PNKD: variants seen among roughly 807,000 people sequenced by gnomAD.
PNKD encodes PNKD metallo-beta-lactamase domain containing, also known as probable thioesterase PNKD.
A neutral mutation model predicts 45.3 loss-of-function variants in PNKD; 36 were observed. The observed-to-expected ratio is 0.80, with a 90% CI of 0.61 to 1.05. The LOEUF (loss-of-function observed/expected upper bound fraction) is 1.05, where lower values mean the gene tolerates loss of function less well. PNKD is among the 50% of genes least tolerant of loss of function. The pLI, the probability that PNKD is intolerant of heterozygous loss-of-function variation, is 0.00. For missense variants in PNKD, 511 were observed against 506.6 expected (o/e 1.01, Z -0.08); for synonymous variants, 197 against 210.1 (o/e 0.94, Z 0.54).
In PNKD at chr2:218,346,387, C is replaced by T. The variant is rs1310522635; in HGVS notation, c.*1406C>T. On this transcript the variant is annotated 3_prime_UTR_variant, in exon 10 of 10. Coordinates refer to ENST00000273077, the MANE Select transcript of PNKD (RefSeq NM_015488.5). ...CAGCCTCTAGTACACTTTAGCAATA[C>T]CACCAGACTAGTTAGAGTTCCCCAC... 6.5e-6 allele frequency: 1 copy of T among 153,192 alleles called. No homozygotes were observed. Among genetic ancestry groups the T allele is most frequent in the Non-Finnish European group, 1.5e-5 (1 of 68,098 alleles). The allele number at this position is 153,192 out of a possible 1,614,324, so 9.5% of individuals were successfully genotyped here. A position where few individuals can be genotyped will look rare whatever the true frequency, so the allele number is the denominator to read the frequency against.
intron 2 of PNKD, among the ~76,000 whole-genome samples, chr2:218,325,600 A>G (rs1009632414): frequency 6.6e-6 from 1 of 152,286 alleles, no homozygotes; most frequent in Non-Finnish European, 1.5e-5. Flanking sequence ...ATCTACTTCT[A>G]GCTTTCAAAA....
chr2:218,275,968 C>T (rs1034254254), intron 2 of PNKD: 2 of 1,568,116 alleles, frequency 1.3e-6, no homozygotes. Flanking sequence ...TGCCCCCTTC[C>T]CTAGATTCCT....
At chr2:218,288,204 G>A (rs1268120264) in intron 2 of PNKD, among the ~76,000 whole-genome samples, 2 of 151,864 alleles carry the variant, frequency 1.3e-5, no homozygotes, top group African/African-American at 2.4e-5. Context: ...CAAGGCGGGC[G>A]GATCACGAGG....
chr2:218,278,064 G>T, intron 2 of PNKD: 2 of 1,453,754 alleles, frequency 1.4e-6, no homozygotes, highest in South Asian at 1.2e-5. Context: ...TGGCTCCTGT[G>T]CCTGGAGGAT....
At chr2:218,280,031 G>A (rs762640669) in intron 2 of PNKD, 10 of 1,613,906 alleles carry the variant, frequency 6.2e-6, no homozygotes, top group South Asian at 4.4e-5. Context: ...CTTACCTTTC[G>A]GATAAAAGTG....
intron 2 of PNKD, among the ~76,000 whole-genome samples, chr2:218,291,506 T>C (rs1293038752): frequency 6.6e-6 from 1 of 152,198 alleles, no homozygotes; most frequent in Non-Finnish European, 1.5e-5. Flanking sequence ...CATCTGGCTC[T>C]GACCTGCGTT....
chr2:218,279,875 G>A, intron 2 of PNKD: 1 of 652,176 alleles, frequency 1.5e-6, no homozygotes, highest in Non-Finnish European at 2.8e-6. Context: ...GAGAAGCCAG[G>A]TGCCCCTCTG....
At position 218,344,833 on chromosome 2, in the gene PNKD, G is replaced by A. The variant is rs374137801; in HGVS notation, c.1010G>A (p.Arg337His). 3.3e-5 allele frequency: 54 copies of A among 1,613,782 alleles called. No homozygotes were observed. Among genetic ancestry groups the A allele is most frequent in the South Asian group, 3.2e-4 (29 of 91,068 alleles). ...TGCCCATCTACCCTGGGAGAGGAGC[G>A]CTCCTACAACCCGTTCCTGAGAACC... ...GTCPSTLGEE[R>H]SYNPFLRTHC... is the part of the protein sequence containing the mutation. The change falls in exon 10 of 10, where the codon CGC becomes CAC. Residue 337 changes from arginine to histidine, a missense_variant. Arg to His is a conservative substitution (Grantham distance 29, BLOSUM62 0). Coordinates refer to ENST00000273077, the MANE Select transcript of PNKD (RefSeq NM_015488.5).
intron 2 of PNKD, among the ~76,000 whole-genome samples, chr2:218,283,370 G>C (rs1274353267): frequency 6.6e-6 from 1 of 152,228 alleles, no homozygotes; most frequent in East Asian, 1.9e-4. Flanking sequence ...ATGTTATGCG[G>C]TGCTCTTATG....
intron 2 of PNKD, among the ~76,000 whole-genome samples, chr2:218,330,794 T>C (rs1694295286): frequency 6.6e-6 from 1 of 152,270 alleles, no homozygotes; most frequent in Non-Finnish European, 1.5e-5. Context: ...CATTCTAATA[T>C]AGGTGGGCCA....
chr2:218,298,852 C>T (rs1358177267), intron 2 of PNKD, among the ~76,000 whole-genome samples: 1 of 152,176 alleles, frequency 6.6e-6, no homozygotes, highest in Non-Finnish European at 1.5e-5. Context: ...GAAGCTCCTC[C>T]TCATAGATAC....
In PNKD at chr2:218,277,241, A is replaced by G. The variant is rs2106191525; in HGVS notation, c.236+5692A>G. ...CATTCTAAGGACAGAAACAGGACAC[A>G]GTTTTGTAGGTGCGGATGAGGAGAA... On this transcript the variant is annotated intron_variant, in intron 2 of 9. Transcript: ENST00000273077. 5 of 1,163,900 alleles carry G rather than the reference A, an allele frequency of 4.3e-6. 1 individual carries two copies. The highest frequency in any genetic ancestry group is 6.5e-6 in the Non-Finnish European group (5 of 773,692). 72.1% of individuals were successfully genotyped at this position (1,163,900 alleles called of 1,614,324 possible).
rs779107999 is a variant in PNKD, at chr2:218,339,829, C to A, written c.283C>A (p.Gln95Lys). ...CTGGCTCGGGTACCTCTTCTACCGA[C>A]AGCAGCTGCGCAGGGCTCGGAATCG... Reference protein sequence around the residue: ...RTWLGYLFYRQQLRRARNRYP... With the variant: ...RTWLGYLFYRKQLRRARNRYP... The change falls in exon 3 of 10, where the codon CAG becomes AAG. Residue 95 changes from glutamine (Q) to lysine (K), a missense_variant. By Grantham distance (53) the Gln-to-Lys change is moderately conservative. Coordinates refer to ENST00000273077, the MANE Select transcript of PNKD (RefSeq NM_015488.5). The A allele has an allele frequency of 1.2e-6, 2 of 1,613,890 alleles. No homozygotes were observed. The highest frequency in any genetic ancestry group is 1.7e-6 in the Non-Finnish European group (2 of 1,179,882).
intron 2 of PNKD, chr2:218,278,705 T>C: frequency 1.1e-5 from 10 of 925,578 alleles, no homozygotes; most frequent in Non-Finnish European, 1.7e-5. Context: ...AGAACGAGAT[T>C]ACCCCCAGCC....
At chr2:218,294,940 T>C (rs369542403) in intron 2 of PNKD, among the ~76,000 whole-genome samples, 108 of 152,336 alleles carry the variant, frequency 7.1e-4, no homozygotes, top group African/African-American at 2.4e-3. Flanking sequence ...AGCAGGCCCC[T>C]TCTCCAGAAA....
intron 2 of PNKD, among the ~76,000 whole-genome samples, chr2:218,306,898 A>G (rs944754885): frequency 3.7e-4 from 57 of 152,244 alleles, no homozygotes; most frequent in Non-Finnish European, 1.6e-4. Flanking sequence ...CCTAACTTAT[A>G]GAGTGGTTAC....
chr2:218,317,110 C>T (rs1169453150), intron 2 of PNKD, among the ~76,000 whole-genome samples: 1 of 152,138 alleles, frequency 6.6e-6, no homozygotes, highest in Non-Finnish European at 1.5e-5. Flanking sequence ...TTTAGGTTCT[C>T]AGAGGCAGAG....
chr2:218,313,637 AT>A (rs1485309642), intron 2 of PNKD, among the ~76,000 whole-genome samples: 1 of 152,164 alleles, frequency 6.6e-6, no homozygotes, highest in Admixed American at 6.6e-5. Context: ...GGGCCTTCAA[AT>A]TTTTAATATA....
chr2:218,279,414 T>C, intron 2 of PNKD: 1 of 1,468,842 alleles, frequency 6.8e-7, no homozygotes, highest in Non-Finnish European at 9.1e-7. Flanking sequence ...CCCAGGAAGC[T>C]GCCAGCCCCC....
Sources: allele counts gnomAD v4.1 joint callset (sites outside exome capture counted in the v4.1 genomes callset), GRCh38; gene constraint gnomAD v4.1.1; transcripts MANE v1.5; gene names NCBI Gene and HGNC (gene_info 2026-07-23, HGNC 2026-07-21).